Variants in DLG5 observed in about 807,000 individuals in gnomAD.
The protein encoded by DLG5 is discs large MAGUK scaffold protein 5.
A neutral mutation model predicts 189.8 loss-of-function variants in DLG5; 48 were observed. The ratio of observed to expected loss-of-function variants is 0.25; its 90% CI spans 0.20 to 0.32. The LOEUF (loss-of-function observed/expected upper bound fraction) is 0.32, where lower values mean the gene tolerates loss of function less well. Among genes scored for constraint, DLG5 ranks in the 10% least tolerant of loss-of-function variants. The pLI, the probability that DLG5 is intolerant of heterozygous loss-of-function variation, is 1.00. For missense variants in DLG5, 2,160 were observed against 2,544.7 expected (o/e 0.85, Z 3.25); for synonymous variants, 1,016 against 1,054.1 (o/e 0.96, Z 0.70).
intron 1 of DLG5, among the ~76,000 whole-genome samples, chr10:77,888,147 G>A (rs1178936882): frequency 6.6e-6 from 1 of 152,218 alleles, no homozygotes; most frequent in Non-Finnish European, 1.5e-5. Flanking sequence ...TTTGTCCATG[G>A]TGACTACATC....
At chr10:77,930,003 A>G (rs912716622), upstream of DLG5, among the ~76,000 whole-genome samples, 1 of 152,164 alleles carries the variant, frequency 6.6e-6, no homozygotes, top group Non-Finnish European at 1.5e-5. Context: ...CTGTAGATTT[A>G]CCCACCTTTC....
chr10:77,829,099 C>T (rs1842782595), intron 12 of DLG5, 114 bp from the exon 13 acceptor site: 1 of 1,225,974 alleles, frequency 8.2e-7, no homozygotes, highest in Non-Finnish European at 1.2e-6. Context: ...GCAGGCTGCG[C>T]CCTGTCTACG....
At chr10:77,834,209 C>T (rs1278263060) in intron 8 of DLG5, among the ~76,000 whole-genome samples, 170 bp from the exon 9 acceptor site, 1 of 152,086 alleles carries the variant, frequency 6.6e-6, no homozygotes. Context: ...CTAGGCCAGC[C>T]CCAGTGCATG....
chr10:77,838,780 G>A (rs1185375302), intron 7 of DLG5, among the ~76,000 whole-genome samples: 2 of 152,250 alleles, frequency 1.3e-5, no homozygotes, highest in African/African-American at 2.4e-5. Context: ...AGCCAGTGGG[G>A]TGGCGGGGCC....
chr10:77,873,033 A>ATGTGTG (rs1564567195), intron 1 of DLG5, among the ~76,000 whole-genome samples: 5 of 138,336 alleles, frequency 3.6e-5, no homozygotes, highest in African/African-American at 1.4e-4. Flanking sequence ...GTGTGTGTGC[A>ATGTGTG]CACACACACA....
intron 31 of DLG5, chr10:77,792,913 A>G: frequency 3.7e-6 from 1 of 269,276 alleles, no homozygotes; most frequent in South Asian, 4.9e-5. Context: ...CATGGCCAAG[A>G]GGAGAGTCAC....
intron 20 of DLG5, 148 bp downstream of exon 20, chr10:77,816,403 C>T: frequency 7.9e-7 from 1 of 1,259,500 alleles, no homozygotes; most frequent in Non-Finnish European, 1.1e-6. Flanking sequence ...TGCCCCATGG[C>T]ACTTACTGGT....
intron 1 of DLG5, among the ~76,000 whole-genome samples, chr10:77,892,990 T>C (rs1194714458): frequency 6.6e-6 from 1 of 152,252 alleles, no homozygotes; most frequent in Non-Finnish European, 1.5e-5. Flanking sequence ...CAGTATGCTG[T>C]GTGTGCAGGG....
chr10:77,880,582 AC>A (rs1476217875), intron 1 of DLG5, among the ~76,000 whole-genome samples: 3 of 151,848 alleles, frequency 2.0e-5, no homozygotes, highest in African/African-American at 7.3e-5. Flanking sequence ...AATCCTCCCG[AC>A]TCCTGATCAA....
the DLG5 span, among the ~76,000 whole-genome samples, chr10:77,937,571 G>A: frequency 6.6e-6 from 1 of 151,900 alleles, no homozygotes; most frequent in African/African-American, 2.4e-5. Flanking sequence ...TGTGCCAAGG[G>A]GAGCTCTCAT....
At chr10:77,817,962 C>T in intron 17 of DLG5, 73 bp from the exon 18 acceptor site, 4 of 1,273,470 alleles carry the variant, frequency 3.1e-6, no homozygotes, top group Admixed American at 4.1e-5. Context: ...GAGAAACACA[C>T]AGACCAGGCA....
intron 1 of DLG5, among the ~76,000 whole-genome samples, chr10:77,886,239 G>A (rs1845433417): frequency 6.6e-6 from 1 of 152,144 alleles, no homozygotes; most frequent in Non-Finnish European, 1.5e-5. Context: ...TGGCTCAGTT[G>A]GGGAATACCA....
intron 25 of DLG5, among the ~76,000 whole-genome samples, 194 bp downstream of exon 25, chr10:77,807,602 T>C (rs1425790438): frequency 6.6e-6 from 1 of 152,200 alleles, no homozygotes; most frequent in African/African-American, 2.4e-5. Context: ...GCTGGTTCTT[T>C]AAGCCCTAAA....
At chr10:77,819,113 G>A (rs145889072) in intron 17 of DLG5, among the ~76,000 whole-genome samples, 133 of 152,280 alleles carry the variant, frequency 8.7e-4, no homozygotes, top group African/African-American at 2.8e-3. Context: ...TATCACTATC[G>A]TGTCCTTCCA....
chr10:77,934,179 T>A, the DLG5 span, among the ~76,000 whole-genome samples: 1 of 152,180 alleles, frequency 6.6e-6, no homozygotes, highest in South Asian at 2.1e-4. Context: ...GAGACCAGCC[T>A]GACCAACATG....
At chr10:77,884,235 G>T (rs576345221) in intron 1 of DLG5, among the ~76,000 whole-genome samples, 1 of 152,262 alleles carries the variant, frequency 6.6e-6, no homozygotes, top group South Asian at 2.1e-4. Context: ...CTTCTGATCT[G>T]GTCATTTGGA....
chr10:77,847,950 A>G (rs1843775770), intron 5 of DLG5, among the ~76,000 whole-genome samples: 1 of 151,986 alleles, frequency 6.6e-6, no homozygotes, highest in Non-Finnish European at 1.5e-5. Context: ...CAAGTGATAC[A>G]CCCACTTTGG....
intron 1 of DLG5, among the ~76,000 whole-genome samples, chr10:77,881,593 C>G (rs1216587697): frequency 1.3e-5 from 2 of 152,222 alleles, no homozygotes; most frequent in Non-Finnish European, 2.9e-5. Flanking sequence ...GTCTCTGGAA[C>G]AAGCTAGATA....
Position 77,805,738 on chromosome 10 carries a change from G to A in DLG5, c.5091C>T (p.Arg1697=). Residue 1697 remains arginine, a synonymous_variant, in exon 27 of 32, where the codon CGC becomes CGT. Coordinates refer to ENST00000372391, the MANE Select transcript of DLG5 (RefSeq NM_004747.4). The part of the protein sequence containing the change: ...SFFRRKHKHK[R]SGSKDGKDLL... ...GGTCTTTCCCGTCCTTGGACCCGCT[G>A]CGTTTGTGCTTGTGTTTCCTCCGAA... The A allele has an allele frequency of 6.2e-7, 1 of 1,614,158 alleles. No homozygotes were observed. Among genetic ancestry groups the A allele is most frequent in the Non-Finnish European group, 8.5e-7 (1 of 1,180,034 alleles).
Sources: allele counts gnomAD v4.1 joint callset (sites outside exome capture counted in the v4.1 genomes callset), GRCh38; gene constraint gnomAD v4.1.1; transcripts MANE v1.5; gene names NCBI Gene and HGNC (gene_info 2026-07-23, HGNC 2026-07-21).